VPS50: variants seen among roughly 807,000 people sequenced by gnomAD.
The protein encoded by VPS50 is VPS50 subunit of EARP/GARPII complex.
Under a neutral mutation model 139.7 loss-of-function variants are expected in VPS50, and 70 were observed. The ratio of observed to expected loss-of-function variants is 0.50; its 90% CI spans 0.41 to 0.61. The LOEUF is 0.61. Among genes scored for constraint, VPS50 ranks in the 20% least tolerant of loss-of-function variants. The pLI is 0.00. For missense variants in VPS50, 921 were observed against 1,133.7 expected, an observed-to-expected ratio of 0.81 and a Z score of 2.69; for synonymous variants, 365 against 376.7, an observed-to-expected ratio of 0.97 and a Z score of 0.36.
chr7:93,280,754 A>G (rs939849196), intron 12 of VPS50, among the ~76,000 whole-genome samples: 5 of 152,096 alleles, frequency 3.3e-5, no homozygotes, highest in African/African-American at 4.8e-5. Flanking sequence ...AGGACAATGG[A>G]GTTGGCTAGG....
rs757912718 is a variant in VPS50 at position 93,253,947 on chromosome 7, AC to A, written c.297+17del. 1 of 1,483,516 alleles carries A rather than the reference AC, an allele frequency of 6.7e-7. No homozygotes were observed. The highest frequency in any genetic ancestry group is 9.3e-7 in the Non-Finnish European group (1 of 1,074,102). 91.9% of individuals were successfully genotyped at this position (1,483,516 alleles called of 1,614,324 possible). Reference sequence around the variant, plus strand: ...GCAAGCTGCAGTAAGTAAAAAAAAAACACATTTCTTTCTGGCAAAACTCTAG... The same window carrying A: ...GCAAGCTGCAGTAAGTAAAAAAAAAAACATTTCTTTCTGGCAAAACTCTAG... On this transcript the variant is annotated intron_variant, in intron 4 of 27. Transcript: ENST00000305866.
intron 1 of VPS50, among the ~76,000 whole-genome samples, chr7:93,232,768 C>A (rs1006581692): frequency 2.6e-5 from 4 of 152,202 alleles, no homozygotes; most frequent in Admixed American, 6.5e-5. Flanking sequence ...CCCTCCTCCT[C>A]TTTTTGCCGT....
chr7:93,323,390 C>T (rs1584469447), intron 20 of VPS50: 5 of 177,070 alleles, frequency 2.8e-5, no homozygotes, highest in East Asian at 1.4e-4. Flanking sequence ...TCCAATATAA[C>T]TTTCCAAGAT....
At chr7:93,305,693 A>T in intron 17 of VPS50, 135 bp from the exon 18 acceptor site, 1 of 679,994 alleles carries the variant, frequency 1.5e-6, no homozygotes, top group Non-Finnish European at 2.5e-6. Flanking sequence ...GATAACTTGA[A>T]AGATTTAAAA....
At chr7:93,310,393 T>G (rs1463201698) in intron 19 of VPS50, among the ~76,000 whole-genome samples, 3 of 152,046 alleles carry the variant, frequency 2.0e-5, no homozygotes, top group African/African-American at 4.8e-5. Context: ...GATTATTAAA[T>G]CAACTCCTTT....
intron 2 of VPS50, among the ~76,000 whole-genome samples, chr7:93,243,964 C>T (rs574919961): frequency 6.6e-6 from 1 of 151,816 alleles, no homozygotes; most frequent in South Asian, 2.1e-4. Context: ...ATTGCCTCCT[C>T]ATAGTATTCT....
At chr7:93,298,812 C>T (rs1796888341) in intron 16 of VPS50, among the ~76,000 whole-genome samples, 1 of 152,178 alleles carries the variant, frequency 6.6e-6, no homozygotes, top group Admixed American at 6.5e-5. Context: ...ACTTATTTCT[C>T]ATTGATGTGG....
intron 2 of VPS50, among the ~76,000 whole-genome samples, chr7:93,248,396 A>G (rs1322217486): frequency 6.6e-6 from 1 of 152,020 alleles, no homozygotes; most frequent in African/African-American, 2.4e-5. Flanking sequence ...CACCCTAGGG[A>G]ATCAGTTTCT....
chr7:93,317,791 A>G (rs563426899), intron 20 of VPS50, among the ~76,000 whole-genome samples: 3 of 152,342 alleles, frequency 2.0e-5, no homozygotes, highest in South Asian at 4.1e-4. Flanking sequence ...ATAACAGATA[A>G]TTAAAATAGT....
At chr7:93,252,975 C>A (rs974356399) in intron 3 of VPS50, among the ~76,000 whole-genome samples, 200 bp downstream of exon 3, 1 of 152,066 alleles carries the variant, frequency 6.6e-6, no homozygotes, top group South Asian at 2.1e-4. Flanking sequence ...TAAATACAAC[C>A]GTTCAGGGAA....
chr7:93,308,906 A>G lies in VPS50; in HGVS notation c.1712A>G (p.Tyr571Cys), dbSNP rs1797189198. 3 of 1,602,600 alleles carry G rather than the reference A, an allele frequency of 1.9e-6. No individual in the cohort carries two copies. The highest frequency in any genetic ancestry group is 1.1e-5 in the South Asian group (1 of 90,724). Reference sequence around the variant, plus strand: ...GTTCCTGAGGAACTCAAACGAGACTATGTGGATGAGCAGACAGGAGATGGT... The same window carrying G: ...GTTCCTGAGGAACTCAAACGAGACTGTGTGGATGAGCAGACAGGAGATGGT... ...SDVPEELKRD[Y>C]VDEQTGDGPV... The change falls in exon 19 of 28, where the codon TAT (tyrosine) becomes TGT (cysteine). Residue 571 changes from tyrosine (Y) to cysteine (C), a missense_variant. This residue lies in a region of VPS50 where 744 missense variants were observed against 930.6 expected (regional missense o/e 0.80). Transcript: ENST00000305866.
At chr7:93,237,423 C>T (rs746318575) in intron 1 of VPS50, among the ~76,000 whole-genome samples, 5 of 152,100 alleles carry the variant, frequency 3.3e-5, no homozygotes, top group African/African-American at 4.8e-5. Flanking sequence ...AACATGTACA[C>T]GGGTTTTCAA....
chr7:93,332,447 C>G lies in VPS50; in HGVS notation c.1978-1670C>G, dbSNP rs1191306444. On this transcript the variant is annotated intron_variant, in intron 21 of 27. Transcript: ENST00000305866. Reference sequence around the variant, plus strand: ...CATTAAGGGTTAGGGTGTCAACATGCATTTTGAGGGAAAACACAAACGTTT... The same window carrying G: ...CATTAAGGGTTAGGGTGTCAACATGGATTTTGAGGGAAAACACAAACGTTT... Among the ~76,000 whole-genome samples, 4 of 152,296 alleles carry G rather than the reference C, an allele frequency of 2.6e-5. No homozygotes were observed. The East Asian group carries it at 7.7e-4, about 29-fold the overall frequency.
At chr7:93,239,542 G>A (rs1794917092) in intron 1 of VPS50, among the ~76,000 whole-genome samples, 1 of 152,070 alleles carries the variant, frequency 6.6e-6, no homozygotes, top group Admixed American at 6.5e-5. Context: ...ATATACAAGT[G>A]GCTTTTATAG....
At chr7:93,352,895 C>T (rs1562902101) in intron 25 of VPS50, among the ~76,000 whole-genome samples, 1 of 152,074 alleles carries the variant, frequency 6.6e-6, no homozygotes, top group Non-Finnish European at 1.5e-5. Flanking sequence ...ATTTTTTAAT[C>T]ATTTGGTATA....
At chr7:93,265,663 C>G (rs1795819787) in intron 9 of VPS50, among the ~76,000 whole-genome samples, 1 of 152,112 alleles carries the variant, frequency 6.6e-6, no homozygotes, top group Non-Finnish European at 1.5e-5. Context: ...CTCCCTGATT[C>G]AAGTGATTCT....
At chr7:93,239,844 C>T (rs1441399872) in intron 1 of VPS50, 22 bp from the exon 2 acceptor site, 5 of 1,452,604 alleles carry the variant, frequency 3.4e-6, no homozygotes, top group Non-Finnish European at 4.8e-6. Flanking sequence ...TAAAATTTTC[C>T]TCATCTTATT....
At chr7:93,348,858 C>A in intron 24 of VPS50, 51 bp downstream of exon 24, 2 of 1,216,350 alleles carry the variant, frequency 1.6e-6, no homozygotes, top group South Asian at 1.3e-5. Context: ...ATAGGACTGT[C>A]ACAGATTATT....
chr7:93,241,167 T>G (rs1584376505), intron 2 of VPS50, among the ~76,000 whole-genome samples: 1 of 152,128 alleles, frequency 6.6e-6, no homozygotes, highest in South Asian at 2.1e-4. Context: ...GTGAGCCTCT[T>G]TAAAAAAATA....
Sources: allele counts gnomAD v4.1 joint callset (sites outside exome capture counted in the v4.1 genomes callset), GRCh38; gene constraint gnomAD v4.1.1; regional missense constraint gnomAD v4.1.1; transcripts MANE v1.5; gene names NCBI Gene and HGNC (gene_info 2026-07-23, HGNC 2026-07-21).